Variants in SFMBT2 observed in about 807,000 individuals in gnomAD.
The protein encoded by SFMBT2 is Scm like with four mbt domains 2.
SFMBT2 carries 38 observed loss-of-function variants against 110.1 expected under a neutral mutation model. The observed-to-expected ratio is 0.35, with a 90% CI of 0.27 to 0.45. SFMBT2 has a LOEUF of 0.45. Ranked by LOEUF, SFMBT2 falls within the 20% of genes least tolerant of loss-of-function variation. The pLI is 1.00. For synonymous variants in SFMBT2, 425 were observed against 425.4 expected (o/e 1.00, Z 0.01); for missense variants, 1,011 against 1,094.9 (o/e 0.92, Z 1.08).
At chr10:7,178,165 G>A (rs1003520781) in intron 16 of SFMBT2, among the ~76,000 whole-genome samples, 6 of 152,142 alleles carry the variant, frequency 3.9e-5, no homozygotes, top group African/African-American at 1.4e-4. Flanking sequence ...CGGACTGCCT[G>A]CCTGCACCTC....
intron 4 of SFMBT2, among the ~76,000 whole-genome samples, chr10:7,322,102 C>T (rs114139810): frequency 3.3e-5 from 5 of 152,180 alleles, no homozygotes; most frequent in South Asian, 2.1e-4. Context: ...ATAATTCCCA[C>T]GTGTCCCATG....
At chr10:7,239,895 ACACCCCTGCACCCCTG>A (rs200016945) in intron 9 of SFMBT2, among the ~76,000 whole-genome samples, 1 of 151,964 alleles carries the variant, frequency 6.6e-6, no homozygotes, top group Non-Finnish European at 1.5e-5. Flanking sequence ...TTTTAACCCG[ACACCCCTGCACCCCTG>A]CACCCCTGCA....
At chr10:7,175,567 G>C (rs547041530) in intron 17 of SFMBT2, among the ~76,000 whole-genome samples, 30 of 152,252 alleles carry the variant, frequency 2.0e-4, no homozygotes, top group African/African-American at 7.2e-4. Context: ...ACAAGGATGT[G>C]GCCCCCGTAT....
chr10:7,227,924 C>T lies in SFMBT2; in HGVS notation c.1134G>A (p.Gln378=), dbSNP rs1192466110. ...TGTGATAATCTGCCCAGTCGAAGTC[C>T]TGGCCAGAGTAACCTGGGAATGACA... ...SLTPPKGYSG[Q]DFDWADYHKQ... is the part of the protein sequence containing the mutation. Residue 378 remains glutamine, a synonymous_variant, in exon 10 of 21, where the codon CAG becomes CAA. Coordinates refer to ENST00000397167, the MANE Select transcript of SFMBT2 (RefSeq NM_001387889.1). 6.3e-7 allele frequency: 1 copy of T among 1,595,606 alleles called. No individual in the cohort carries two copies. The highest frequency in any genetic ancestry group is 2.3e-5 in the East Asian group (1 of 43,718).
chr10:7,296,401 C>G (rs1360380176), intron 4 of SFMBT2, among the ~76,000 whole-genome samples: 2 of 152,206 alleles, frequency 1.3e-5, no homozygotes, highest in East Asian at 3.8e-4. Context: ...GTCCAGGGCT[C>G]TAAGTTCAAT....
intron 14 of SFMBT2, 150 bp from the exon 15 acceptor site, chr10:7,197,837 A>G: frequency 2.4e-6 from 3 of 1,265,828 alleles, no homozygotes; most frequent in Non-Finnish European, 3.1e-6. Context: ...GCGTAATAAA[A>G]GCAATGGAAC....
intron 4 of SFMBT2, among the ~76,000 whole-genome samples, chr10:7,317,993 A>C (rs1843066483): frequency 6.6e-6 from 1 of 152,248 alleles, no homozygotes. Flanking sequence ...CGGTGGCTGC[A>C]AACCACAAAG....
intron 20 of SFMBT2, among the ~76,000 whole-genome samples, chr10:7,167,331 T>G (rs187971491): frequency 3.9e-5 from 6 of 152,368 alleles, no homozygotes; most frequent in Admixed American, 3.3e-4. Flanking sequence ...TACTGTGTAA[T>G]GTACAGGTTT....
chr10:7,312,985 C>T (rs1228553633), intron 4 of SFMBT2, among the ~76,000 whole-genome samples: 4 of 152,004 alleles, frequency 2.6e-5, no homozygotes, highest in Admixed American at 6.6e-5. Context: ...CCATCCACCT[C>T]GGGAGAAATA....
At chr10:7,214,770 T>G in intron 11 of SFMBT2, 1 of 985,326 alleles carries the variant, frequency 1.0e-6, no homozygotes, top group South Asian at 4.7e-5. Flanking sequence ...CTGTAGGGTG[T>G]GTTTTGTCAT....
At chr10:7,405,118 C>A (rs949573481) in intron 1 of SFMBT2, among the ~76,000 whole-genome samples, 2 of 152,156 alleles carry the variant, frequency 1.3e-5, no homozygotes, top group Non-Finnish European at 2.9e-5. Flanking sequence ...AGCGGCCAAA[C>A]CTGAACCCTA....
At chr10:7,380,318 G>C (rs910041266) in intron 2 of SFMBT2, among the ~76,000 whole-genome samples, 1 of 152,198 alleles carries the variant, frequency 6.6e-6, no homozygotes, top group Non-Finnish European at 1.5e-5. Flanking sequence ...ATCTGAAAGA[G>C]GGACAAATGA....
At chr10:7,284,279 C>A in intron 5 of SFMBT2, 129 bp from the exon 6 acceptor site, 1 of 1,478,030 alleles carries the variant, frequency 6.8e-7, no homozygotes, top group East Asian at 2.4e-5. Flanking sequence ...CTGGCGTTCC[C>A]TCCACCCCAT....
chr10:7,261,892 C>A (rs145387727), intron 7 of SFMBT2, among the ~76,000 whole-genome samples: 1 of 152,344 alleles, frequency 6.6e-6, no homozygotes, highest in East Asian at 1.9e-4. Context: ...GGGTGGCTGG[C>A]GGAAGGACGG....
intron 16 of SFMBT2, among the ~76,000 whole-genome samples, chr10:7,184,253 G>A (rs1838331294): frequency 6.6e-6 from 1 of 152,186 alleles, no homozygotes; most frequent in African/African-American, 2.4e-5. Context: ...TAATTCTCAA[G>A]TGTTGTGGGA....
At chr10:7,281,746 G>A (rs1841953810) in intron 6 of SFMBT2, among the ~76,000 whole-genome samples, 1 of 152,132 alleles carries the variant, frequency 6.6e-6, no homozygotes, top group Non-Finnish European at 1.5e-5. Flanking sequence ...GGAGTGTCTT[G>A]TCACTTTTTA....
At chr10:7,288,845 A>C in intron 4 of SFMBT2, among the ~76,000 whole-genome samples, 1 of 115,932 alleles carries the variant, frequency 8.6e-6, no homozygotes, top group Non-Finnish European at 1.7e-5. Context: ...CCTGGCCAAT[A>C]TGGTGAAACC....
chr10:7,390,030 C>T (rs751220106), intron 1 of SFMBT2, among the ~76,000 whole-genome samples: 6 of 152,206 alleles, frequency 3.9e-5, no homozygotes, highest in South Asian at 2.1e-4. Context: ...ACTAGCCAAA[C>T]ATAACTGGGG....
intron 1 of SFMBT2, among the ~76,000 whole-genome samples, chr10:7,383,228 G>A (rs1845477267): frequency 6.6e-6 from 1 of 152,166 alleles, no homozygotes; most frequent in Non-Finnish European, 1.5e-5. Flanking sequence ...AGGTGCAGTG[G>A]GTAGCCTACC....
Sources: allele counts gnomAD v4.1 joint callset (sites outside exome capture counted in the v4.1 genomes callset), GRCh38; gene constraint gnomAD v4.1.1; transcripts MANE v1.5; gene names NCBI Gene and HGNC (gene_info 2026-07-23, HGNC 2026-07-21).